BDP1: variants seen among roughly 807,000 people sequenced by gnomAD.
BDP1 encodes the protein transcription factor TFIIIB component B'' homolog.
Under a neutral mutation model 266.6 loss-of-function variants are expected in BDP1, and 169 were observed. The observed-to-expected ratio is 0.63, with a 90% CI of 0.56 to 0.72. The LOEUF (loss-of-function observed/expected upper bound fraction) is 0.72, where lower values mean the gene tolerates loss of function less well. Ranked by LOEUF, BDP1 falls within the 30% of genes least tolerant of loss-of-function variation. The pLI is 0.00. For missense variants in BDP1, 3,015 were observed against 3,053.8 expected, an observed-to-expected ratio of 0.99 and a Z score of 0.30; for synonymous variants, 1,090 against 1,022.4, an observed-to-expected ratio of 1.07 and a Z score of -1.26.
At chr5:71,460,743 G>A (rs560965573) in intron 2 of BDP1, among the ~76,000 whole-genome samples, 1 of 151,760 alleles carries the variant, frequency 6.6e-6, no homozygotes, top group African/African-American at 2.4e-5. Flanking sequence ...TTGGGGGTGG[G>A]GGGATTAAAA....
chr5:71,547,077 T>C (rs1197003362), intron 32 of BDP1, among the ~76,000 whole-genome samples: 1 of 152,152 alleles, frequency 6.6e-6, no homozygotes, highest in Non-Finnish European at 1.5e-5. Flanking sequence ...GGTCTTGAGC[T>C]CCTGGCCTCA....
In BDP1 at chr5:71,496,181, G is replaced by A. The variant is rs536478429; in HGVS notation, c.1799+773G>A. ...GGCGTGAACCTGGGAGGTAGAACCT[G>A]CAGTGAGCTGAGATCATGCCACTGC... On this transcript the variant is annotated intron_variant, in intron 12 of 38. Transcript: ENST00000358731. Among the ~76,000 whole-genome samples, 3 of 148,988 alleles carry A rather than the reference G, an allele frequency of 2.0e-5. No individual in the cohort carries two copies. The East Asian group carries it at 6.0e-4, about 30-fold the overall frequency.
intron 22 of BDP1, among the ~76,000 whole-genome samples, chr5:71,520,487 T>C (rs1371379227): frequency 1.3e-5 from 2 of 152,240 alleles, no homozygotes; most frequent in Non-Finnish European, 2.9e-5. Flanking sequence ...CAGAGCAATT[T>C]AACTCTGATA....
chr5:71,552,465 A>C (rs1193606986), intron 34 of BDP1, among the ~76,000 whole-genome samples: 1 of 152,268 alleles, frequency 6.6e-6, no homozygotes, highest in African/African-American at 2.4e-5. Flanking sequence ...AGGCCAAGGC[A>C]GGCGGCTGGG....
At chr5:71,570,909 C>T (rs1744243751), downstream of BDP1, among the ~76,000 whole-genome samples, 1 of 152,192 alleles carries the variant, frequency 6.6e-6, no homozygotes, top group African/African-American at 2.4e-5. Flanking sequence ...TAAATACAGC[C>T]AGTCCCCCTT....
intron 26 of BDP1, among the ~76,000 whole-genome samples, chr5:71,536,851 G>A (rs886179713): frequency 6.6e-6 from 1 of 151,704 alleles, no homozygotes; most frequent in African/African-American, 2.4e-5. Context: ...GAACCAGGTC[G>A]AGCGCGTTGG....
At chr5:71,509,348 C>T in intron 16 of BDP1, 117 bp from the exon 17 acceptor site, 2 of 1,206,826 alleles carry the variant, frequency 1.7e-6, no homozygotes, top group Non-Finnish European at 2.2e-6. Context: ...CTAGGCCTTC[C>T]TTAATTTTTT....
At chr5:71,457,060 C>A (rs543773078) in intron 1 of BDP1, among the ~76,000 whole-genome samples, 1 of 152,160 alleles carries the variant, frequency 6.6e-6, no homozygotes, top group Non-Finnish European at 1.5e-5. Flanking sequence ...GAATCTGTTT[C>A]AAAATTTCTA....
rs1159304266 is a variant in BDP1, at chr5:71,565,287, T to A, written c.*402T>A. ...ATTTAGCAACTTCTTTTGTGAAGAT[T>A]TTTTATTTTTAGGGGGAGATGATGA... On this transcript the variant is annotated 3_prime_UTR_variant, in exon 39 of 39. Coordinates refer to ENST00000358731, the MANE Select transcript of BDP1 (RefSeq NM_018429.3). 6.4e-6 allele frequency: 1 copy of A among 155,898 alleles called. No individual in the cohort carries two copies. The highest frequency in any genetic ancestry group is 2.4e-5 in the African/African-American group (1 of 41,528). The allele number at this position is 155,898 out of a possible 1,614,324, so 9.7% of individuals were successfully genotyped here.
At chr5:71,469,253 C>T (rs1015834308) in intron 6 of BDP1, among the ~76,000 whole-genome samples, 2 of 151,968 alleles carry the variant, frequency 1.3e-5, no homozygotes, top group Non-Finnish European at 2.9e-5. Context: ...ATTCTCCTTC[C>T]TCAGTCTCCC....
At chr5:71,514,019 G>A (rs1765090898) in intron 19 of BDP1, among the ~76,000 whole-genome samples, 1 of 152,106 alleles carries the variant, frequency 6.6e-6, no homozygotes, top group African/African-American at 2.4e-5. Context: ...GGCGCCCAGC[G>A]AGAATAATCG....
At chr5:71,552,579 A>C (rs975892053) in intron 34 of BDP1, among the ~76,000 whole-genome samples, 15 of 152,366 alleles carry the variant, frequency 9.8e-5, no homozygotes, top group Non-Finnish European at 1.8e-4. Flanking sequence ...GCACGTCGGG[A>C]GGCCGAGGCC....
At position 71,493,840 on chromosome 5, in the gene BDP1, C is replaced by T. The variant is rs1021723301; in HGVS notation, c.1641-1410C>T. Among the ~76,000 whole-genome samples the T allele has an allele frequency of 2.6e-5, 4 of 152,100 alleles. No homozygotes were observed. In the East Asian group the frequency reaches 5.8e-4, roughly 22 times the overall value. On this transcript the variant is annotated intron_variant, in intron 11 of 38. Transcript: ENST00000358731. The stretch of plus-strand genomic sequence containing the variant: ...TGGCAGAGGTAGCTTTAGAAATTAG[C>T]GGGCAAAGATAGAACTAACTTCATT...
At position 71,491,120 on chromosome 5, in the gene BDP1, C is replaced by T; in HGVS notation, c.1629C>T (p.Ile543=). ...AAGTTGAGAAAAGAACTGACCCCAT[C>T]CTTTCATTAAGGTATTTTCTGTGTC... The part of the protein sequence containing the change: ...TEKVEKRTDP[I]LSLSNQQDAT... Residue 543 remains isoleucine, a synonymous_variant, in exon 11 of 39, where the codon ATC becomes ATT. Coordinates refer to ENST00000358731, the MANE Select transcript of BDP1 (RefSeq NM_018429.3). 1 of 1,613,678 alleles carries T rather than the reference C, an allele frequency of 6.2e-7. No homozygotes were observed. The highest frequency in any genetic ancestry group is 8.5e-7 in the Non-Finnish European group (1 of 1,179,792).
chr5:71,525,287 G>A (rs1168320647), intron 25 of BDP1, among the ~76,000 whole-genome samples: 9 of 144,282 alleles, frequency 6.2e-5, no homozygotes, highest in South Asian at 4.6e-4. Context: ...CCTCCCTCCC[G>A]GACGGGGCGG....
At chr5:71,574,910 A>G in the BDP1 span, among the ~76,000 whole-genome samples, 1 of 152,232 alleles carries the variant, frequency 6.6e-6, no homozygotes, top group Non-Finnish European at 1.5e-5. Flanking sequence ...TTATGGGCTT[A>G]TGGATATGGG....
At chr5:71,564,549 A>G (rs1245531262) in intron 38 of BDP1, among the ~76,000 whole-genome samples, 8 of 152,000 alleles carry the variant, frequency 5.3e-5, no homozygotes, top group East Asian at 3.9e-4. Context: ...AACTCCTACT[A>G]TGTTTAGGAT....
intron 7 of BDP1, among the ~76,000 whole-genome samples, chr5:71,478,840 G>A (rs7711253): frequency 0.89 from 135,355 of 152,144 alleles, 60,299 homozygotes; most frequent in East Asian, 0.99. Context: ...CCCATGTGAC[G>A]TTCTACAGGT....
At chr5:71,485,256 C>A (rs978428494) in intron 8 of BDP1, among the ~76,000 whole-genome samples, 3 of 152,116 alleles carry the variant, frequency 2.0e-5, no homozygotes, top group African/African-American at 7.2e-5. Flanking sequence ...TCGAGGCCAG[C>A]CTGGGCAACA....
Sources: allele counts gnomAD v4.1 joint callset (sites outside exome capture counted in the v4.1 genomes callset), GRCh38; gene constraint gnomAD v4.1.1; transcripts MANE v1.5; gene names NCBI Gene and HGNC (gene_info 2026-07-23, HGNC 2026-07-21).